PARD3B: variants seen among roughly 807,000 people sequenced by gnomAD.
The protein encoded by PARD3B is partitioning defective 3 homolog B.
Under a neutral mutation model 130.2 loss-of-function variants are expected in PARD3B, and 103 were observed. The ratio of observed to expected loss-of-function variants is 0.79; its 90% confidence interval spans 0.67 to 0.93. The LOEUF (loss-of-function observed/expected upper bound fraction) is 0.93. Ranked by LOEUF, PARD3B falls within the 40% of genes least tolerant of loss-of-function variation. The pLI is 0.00. For synonymous variants in PARD3B, 583 were observed against 553.2 expected (o/e 1.05, Z -0.76); for missense variants, 1,609 against 1,499.2 (o/e 1.07, Z -1.21).
chr2:204,751,953 A>T (rs1177714667), intron 2 of PARD3B, among the ~76,000 whole-genome samples: 1 of 152,136 alleles, frequency 6.6e-6, no homozygotes, highest in Non-Finnish European at 1.5e-5. Flanking sequence ...TGTTCATAAG[A>T]TCTGTGATGT....
intron 3 of PARD3B, among the ~76,000 whole-genome samples, chr2:204,988,082 A>AG (rs1042991566): frequency 6.6e-6 from 1 of 152,114 alleles, no homozygotes. Context: ...GAGGGCATGA[A>AG]GGGGGTCCTT....
intron 2 of PARD3B, among the ~76,000 whole-genome samples, chr2:204,705,077 A>G (rs2038072429): frequency 6.6e-6 from 1 of 152,212 alleles, no homozygotes; most frequent in Non-Finnish European, 1.5e-5. Flanking sequence ...AACACATCAA[A>G]TATAGTACAG....
At chr2:205,586,364 G>C (rs2054196361) in intron 22 of PARD3B, among the ~76,000 whole-genome samples, 1 of 152,132 alleles carries the variant, frequency 6.6e-6, no homozygotes, top group Non-Finnish European at 1.5e-5. Flanking sequence ...TCAACCTAAT[G>C]TCAACTTACC....
At chr2:205,531,204 A>C (rs953280887) in intron 21 of PARD3B, among the ~76,000 whole-genome samples, 6 of 152,216 alleles carry the variant, frequency 3.9e-5, no homozygotes, top group Non-Finnish European at 8.8e-5. Flanking sequence ...GGGGAACTGC[A>C]AATGTGGCCA....
intron 1 of PARD3B, among the ~76,000 whole-genome samples, chr2:204,569,488 C>T (rs979020182): frequency 4.6e-5 from 7 of 152,186 alleles, no homozygotes; most frequent in Non-Finnish European, 1.0e-4. Context: ...ATCCATGTGG[C>T]TATTCATTGG....
In PARD3B at chr2:205,193,333, G is replaced by A. The variant is rs2036495943; in HGVS notation, c.2140+13G>A. The A allele has an allele frequency of 6.4e-7, 1 of 1,561,038 alleles. No homozygotes were observed. The highest frequency in any genetic ancestry group is 8.8e-7 in the Non-Finnish European group (1 of 1,131,866). On this transcript the variant is annotated intron_variant, in intron 15 of 22. Coordinates refer to ENST00000406610, the MANE Select transcript of PARD3B (RefSeq NM_001302769.2). ...AGCATGGACCTTGGTAAGCAAGGGT[G>A]AGGTGACATCCAGGTCAGCTCTCCA...
Position 205,357,251 on chromosome 2 carries a change from G to A in PARD3B, c.2631-43762G>A, listed in dbSNP as rs755492524. ...CCTTAAATAGTTCCCTAGGAGTTTC[G>A]GGTGTGTATGTTCACACTCCTTTGG... On this transcript the variant is annotated intron_variant, in intron 18 of 22. Coordinates refer to ENST00000406610, the MANE Select transcript of PARD3B (RefSeq NM_001302769.2). Among the ~76,000 whole-genome samples, 23 of 152,096 alleles carry A rather than the reference G, an allele frequency of 1.5e-4. No homozygotes were observed. The East Asian group carries it at 2.1e-3, about 14-fold the overall frequency.
intron 15 of PARD3B, among the ~76,000 whole-genome samples, chr2:205,195,038 A>T (rs990147735): frequency 1.6e-4 from 23 of 147,234 alleles, no homozygotes; most frequent in Non-Finnish European, 2.7e-4. Flanking sequence ...ACCTCAAGTG[A>T]TCCACCCACC....
At chr2:204,762,059 C>A (rs11903029) in intron 2 of PARD3B, among the ~76,000 whole-genome samples, 1,753 of 150,338 alleles carry the variant, frequency 0.012, 33 homozygotes, top group African/African-American at 0.04. Context: ...TAAAAAAAAT[C>A]AGATAATGCT....
intron 2 of PARD3B, among the ~76,000 whole-genome samples, chr2:204,747,169 G>A (rs1412808270): frequency 2.6e-5 from 4 of 152,064 alleles, no homozygotes; most frequent in Admixed American, 2.6e-4. Context: ...GTGTAAGGAA[G>A]GGATCCAGTT....
chr2:205,385,243 T>C lies in PARD3B; in HGVS notation c.2631-15770T>C, dbSNP rs117555228. On this transcript the variant is annotated intron_variant, in intron 18 of 22. Coordinates refer to ENST00000406610, the MANE Select transcript of PARD3B (RefSeq NM_001302769.2). ...AGTACTTTTTTTCAAGTACTTCTTA[T>C]ACTCACACCACATGCCTTTCTTTCC... Among the ~76,000 whole-genome samples, 227 of 152,282 alleles carry C rather than the reference T, an allele frequency of 1.5e-3. 7 individuals carry two copies. In the East Asian group the frequency reaches 0.04, roughly 27 times the overall value.
intron 3 of PARD3B, among the ~76,000 whole-genome samples, chr2:205,036,776 A>G (rs943850927): frequency 1.3e-5 from 2 of 150,534 alleles, no homozygotes; most frequent in African/African-American, 2.4e-5. Context: ...TGTACAAAAA[A>G]TATATATACA....
At chr2:204,923,435 T>C (rs919552115) in intron 2 of PARD3B, among the ~76,000 whole-genome samples, 1 of 152,052 alleles carries the variant, frequency 6.6e-6, no homozygotes, top group African/African-American at 2.4e-5. Flanking sequence ...ATTGCATTAA[T>C]AGCTTTTTAA....
chr2:205,246,543 G>T (rs1326848665), intron 16 of PARD3B, among the ~76,000 whole-genome samples: 1 of 152,116 alleles, frequency 6.6e-6, no homozygotes, highest in East Asian at 1.9e-4. Context: ...TCCTCTAGGG[G>T]CACATTGTTT....
chr2:204,972,070 G>A (rs1404378619), intron 3 of PARD3B, among the ~76,000 whole-genome samples: 1 of 151,824 alleles, frequency 6.6e-6, no homozygotes, highest in East Asian at 1.9e-4. Context: ...AAGGGCCAGT[G>A]GTACTAGTTA....
At chr2:204,767,138 A>G (rs1273241909) in intron 2 of PARD3B, among the ~76,000 whole-genome samples, 2 of 71,828 alleles carry the variant, frequency 2.8e-5, no homozygotes, top group Admixed American at 1.6e-4. Context: ...TCCCAATGCT[A>G]TCCCTCCCCC....
intron 4 of PARD3B, among the ~76,000 whole-genome samples, chr2:205,082,859 T>C (rs1384346534): frequency 2.0e-5 from 3 of 151,796 alleles, no homozygotes; most frequent in African/African-American, 7.3e-5. Flanking sequence ...CCAAGAAAAA[T>C]CGAAGGCCTA....
At chr2:205,437,679 A>G (rs1346585094) in intron 19 of PARD3B, among the ~76,000 whole-genome samples, 1 of 152,146 alleles carries the variant, frequency 6.6e-6, no homozygotes, top group Non-Finnish European at 1.5e-5. Context: ...TTAGACTGTG[A>G]TGAAAGAAAT....
chr2:205,522,559 A>C (rs2051124305), intron 21 of PARD3B, among the ~76,000 whole-genome samples: 1 of 147,582 alleles, frequency 6.8e-6, no homozygotes, highest in South Asian at 2.2e-4. Flanking sequence ...TGTATTCTCT[A>C]ATAAATACTT....
Sources: allele counts gnomAD v4.1 joint callset (sites outside exome capture counted in the v4.1 genomes callset), GRCh38; gene constraint gnomAD v4.1.1; transcripts MANE v1.5; gene names NCBI Gene and HGNC (gene_info 2026-07-23, HGNC 2026-07-21).